The following SLC1A4 variants were observed in gnomAD, a reference collection of about 807,000 sequenced individuals.
The protein encoded by SLC1A4 is solute carrier family 1 member 4.
In SLC1A4, 19 loss-of-function variants were observed where a neutral mutation model predicts 37.7. The observed-to-expected ratio is 0.50, with a 90% confidence interval of 0.35 to 0.74. SLC1A4 has a LOEUF of 0.74. Among genes scored for constraint, SLC1A4 ranks in the 30% least tolerant of loss-of-function variants. The probability of loss-of-function intolerance (pLI) is 0.01; values close to 1 mark genes in which losing one functional copy is unlikely to be tolerated. For synonymous variants in SLC1A4, 299 were observed against 309.8 expected (o/e 0.97, Z 0.37); for missense variants, 570 against 712.9 (o/e 0.80, Z 2.28).
intron 1 of SLC1A4, among the ~76,000 whole-genome samples, chr2:64,995,257 A>C (rs1224313234): frequency 6.6e-6 from 1 of 152,186 alleles, no homozygotes; most frequent in Admixed American, 6.5e-5. Context: ...CTGTACGTGC[A>C]CAAGTCGTTT....
Position 65,021,149 on chromosome 2 carries a change from G to C in SLC1A4, c.*3G>C. ...AATCCAAGGAGTCGGTTCTGTGATG[G>C]GGCTGGGCTTTGGGCTTGCCTGCCA... On this transcript the variant is annotated 3_prime_UTR_variant, in exon 8 of 8. Coordinates refer to ENST00000234256, the MANE Select transcript of SLC1A4 (RefSeq NM_003038.5). 2.5e-6 allele frequency: 4 copies of C among 1,611,346 alleles called. No individual in the cohort carries two copies. The highest frequency in any genetic ancestry group is 1.1e-5 in the South Asian group (1 of 91,024).
chr2:65,017,515 G>C (rs1203002645), intron 5 of SLC1A4, among the ~76,000 whole-genome samples: 1 of 151,876 alleles, frequency 6.6e-6, no homozygotes, highest in African/African-American at 2.4e-5. Flanking sequence ...AAAAAAATTA[G>C]GGAAGGAAGT....
At chr2:64,991,985 C>A (rs1161480979) in intron 1 of SLC1A4, among the ~76,000 whole-genome samples, 3 of 152,214 alleles carry the variant, frequency 2.0e-5, no homozygotes, top group African/African-American at 7.2e-5. Context: ...TGTTCTGTGA[C>A]TGGCAGCTTG....
chr2:65,015,909 C>G (rs1409028806), intron 4 of SLC1A4, among the ~76,000 whole-genome samples: 2 of 152,224 alleles, frequency 1.3e-5, no homozygotes, highest in Non-Finnish European at 2.9e-5. Flanking sequence ...AGGCGTGTTC[C>G]CAGAGTGTCA....
At chr2:65,007,267 T>C (rs1403054427) in intron 3 of SLC1A4, among the ~76,000 whole-genome samples, 1 of 121,604 alleles carries the variant, frequency 8.2e-6, no homozygotes, top group African/African-American at 2.5e-5. Context: ...AGGAAGAGTG[T>C]GTTTGTGTGT....
intron 5 of SLC1A4, among the ~76,000 whole-genome samples, chr2:65,016,939 C>T (rs1474820130): frequency 2.0e-5 from 3 of 152,232 alleles, no homozygotes; most frequent in Admixed American, 6.5e-5. Flanking sequence ...CACAGCCACA[C>T]CAAGCCTCAC....
chr2:65,003,442 A>G (rs145383654), intron 2 of SLC1A4, among the ~76,000 whole-genome samples: 137 of 152,338 alleles, frequency 9.0e-4, no homozygotes, highest in African/African-American at 3.2e-3. Context: ...CTTGCCTCAC[A>G]TCCCTGGCTT....
chr2:65,017,362 AC>A (rs1674187638), intron 5 of SLC1A4, among the ~76,000 whole-genome samples: 1 of 151,864 alleles, frequency 6.6e-6, no homozygotes, highest in African/African-American at 2.4e-5. Context: ...AAAAAAAAAA[AC>A]ACTGGGTTTT....
At chr2:65,020,877 G>C in intron 7 of SLC1A4, 35 bp from the exon 8 acceptor site, 1 of 1,573,472 alleles carries the variant, frequency 6.4e-7, no homozygotes, top group Non-Finnish European at 8.7e-7. Flanking sequence ...TCGCCCAGCA[G>C]TAGATATAAT....
intron 1 of SLC1A4, 95 bp downstream of exon 1, chr2:64,990,265 G>C: frequency 8.5e-7 from 1 of 1,171,734 alleles, no homozygotes; most frequent in Non-Finnish European, 1.2e-6. Flanking sequence ...ACTCCTAAGA[G>C]TTAATTCTTA....
At chr2:65,008,348 G>T (rs1673768309) in intron 3 of SLC1A4, among the ~76,000 whole-genome samples, 1 of 152,184 alleles carries the variant, frequency 6.6e-6, no homozygotes, top group Admixed American at 6.5e-5. Flanking sequence ...GTGACAGTCA[G>T]AAGTCTTGGC....
chr2:65,012,324 C>T (rs1239221797), intron 4 of SLC1A4, among the ~76,000 whole-genome samples: 1 of 150,426 alleles, frequency 6.6e-6, no homozygotes, highest in African/African-American at 2.4e-5. Context: ...CTCCTGACCT[C>T]GTGATCTGCC....
chr2:65,002,280 A>AAAATAAATAAAT (rs139658708), intron 2 of SLC1A4, among the ~76,000 whole-genome samples: 4,245 of 144,336 alleles, frequency 0.029, 216 homozygotes, highest in African/African-American at 0.097. Context: ...ACTCTATCTC[A>AAAATAAATAAAT]AAATAAATAA....
At chr2:65,002,567 A>ATTTTTTTTTTTTTTTTTTTTT (rs1324825931) in intron 2 of SLC1A4, among the ~76,000 whole-genome samples, 1 of 115,528 alleles carries the variant, frequency 8.7e-6, no homozygotes, top group Non-Finnish European at 1.7e-5. Flanking sequence ...TCCTGTGACC[A>ATTTTTTTTTTTTTTTTTTTTT]TTCTTTTTTT....
At chr2:65,002,369 G>GTT (rs572423045) in intron 2 of SLC1A4, among the ~76,000 whole-genome samples, 1 of 149,606 alleles carries the variant, frequency 6.7e-6, no homozygotes, top group South Asian at 2.1e-4. Context: ...ATAGCCTGCT[G>GTT]TTTTTTTTTA....
At chr2:65,001,331 G>A (rs1673450802) in intron 1 of SLC1A4, 117 bp from the exon 2 acceptor site, 1 of 905,152 alleles carries the variant, frequency 1.1e-6, no homozygotes, top group Admixed American at 2.0e-5. Flanking sequence ...GAGCCCAAAA[G>A]TTCAAGGCTG....
intron 3 of SLC1A4, among the ~76,000 whole-genome samples, chr2:65,009,388 A>G (rs971328767): frequency 4.1e-5 from 6 of 147,578 alleles, no homozygotes; most frequent in Non-Finnish European, 9.1e-5. Flanking sequence ...AGAAAAAAAA[A>G]AAGAAAAGAA....
At chr2:65,015,013 A>G (rs1465267724) in intron 4 of SLC1A4, among the ~76,000 whole-genome samples, 1 of 152,036 alleles carries the variant, frequency 6.6e-6, no homozygotes, top group Non-Finnish European at 1.5e-5. Context: ...AAAGGAGTAC[A>G]ATTCTAGCTC....
Position 65,021,150 on chromosome 2 carries a change from G to T in SLC1A4, c.*4G>T. ...ATCCAAGGAGTCGGTTCTGTGATGG[G>T]GCTGGGCTTTGGGCTTGCCTGCCAG... is the stretch of plus-strand genomic sequence containing the variant. On this transcript the variant is annotated 3_prime_UTR_variant, in exon 8 of 8. Transcript: ENST00000234256. 1 of 1,611,290 alleles carries T rather than the reference G, an allele frequency of 6.2e-7. No homozygotes were observed. Among genetic ancestry groups the T allele is most frequent in the Non-Finnish European group, 8.5e-7 (1 of 1,177,542 alleles).
Sources: allele counts gnomAD v4.1 joint callset (sites outside exome capture counted in the v4.1 genomes callset), GRCh38; gene constraint gnomAD v4.1.1; transcripts MANE v1.5; gene names NCBI Gene and HGNC (gene_info 2026-07-23, HGNC 2026-07-21).